The following ARHGAP24 variants were observed in gnomAD, a reference collection of about 807,000 sequenced individuals.
ARHGAP24 encodes rho GTPase-activating protein 24.
A neutral mutation model predicts 76.4 loss-of-function variants in ARHGAP24; 50 were observed. The observed-to-expected ratio is 0.65, with a 90% CI of 0.52 to 0.83. The LOEUF (loss-of-function observed/expected upper bound fraction) is 0.83, where lower values mean the gene tolerates loss of function less well. ARHGAP24 is among the 40% of genes least tolerant of loss of function. The pLI is 0.00. For synonymous variants in ARHGAP24, 345 were observed against 323.3 expected (o/e 1.07, Z -0.72); for missense variants, 930 against 914.2 (o/e 1.02, Z -0.22).
intron 2 of ARHGAP24, among the ~76,000 whole-genome samples, chr4:85,627,683 G>T (rs897654851): frequency 6.6e-6 from 1 of 152,212 alleles, no homozygotes; most frequent in South Asian, 2.1e-4. Context: ...GCCTACAGAC[G>T]CAGGCAGGCC....
At chr4:85,640,729 T>C (rs1285348906) in intron 2 of ARHGAP24, among the ~76,000 whole-genome samples, 1 of 152,180 alleles carries the variant, frequency 6.6e-6, no homozygotes, top group Non-Finnish European at 1.5e-5. Context: ...TTATTTAATA[T>C]GTAATTATCT....
chr4:85,855,374 C>A (rs1047588907), intron 3 of ARHGAP24, among the ~76,000 whole-genome samples: 8 of 152,070 alleles, frequency 5.3e-5, no homozygotes, highest in African/African-American at 1.7e-4. Flanking sequence ...AATACAGGAC[C>A]AGAATGTCTA....
intron 5 of ARHGAP24, among the ~76,000 whole-genome samples, chr4:85,961,160 G>A (rs1738218726): frequency 6.6e-6 from 1 of 151,960 alleles, no homozygotes; most frequent in Non-Finnish European, 1.5e-5. Context: ...TAATGTGAGA[G>A]CCATAGGAAA....
intron 1 of ARHGAP24, among the ~76,000 whole-genome samples, chr4:85,478,290 A>G (rs776066131): frequency 1.3e-5 from 2 of 152,254 alleles, no homozygotes; most frequent in Non-Finnish European, 1.5e-5. Context: ...TTAAATGGTC[A>G]GCTTAGCCAT....
At chr4:85,584,524 T>C (rs1366233539) in intron 2 of ARHGAP24, among the ~76,000 whole-genome samples, 2 of 151,974 alleles carry the variant, frequency 1.3e-5, no homozygotes, top group African/African-American at 2.4e-5. Context: ...CACACCAGCA[T>C]GACACATGTA....
At chr4:85,561,432 T>C (rs1256758270) in intron 1 of ARHGAP24, among the ~76,000 whole-genome samples, 1 of 152,196 alleles carries the variant, frequency 6.6e-6, no homozygotes, top group Admixed American at 6.5e-5. Flanking sequence ...GCACCACATT[T>C]TGATTTATTC....
chr4:85,916,022 T>C (rs1014590695), intron 3 of ARHGAP24, among the ~76,000 whole-genome samples: 2 of 152,210 alleles, frequency 1.3e-5, no homozygotes, highest in African/African-American at 4.8e-5. Context: ...GTTGAACTAA[T>C]TTACACTCCC....
At chr4:85,822,379 C>T (rs962464759) in intron 3 of ARHGAP24, among the ~76,000 whole-genome samples, 1 of 152,144 alleles carries the variant, frequency 6.6e-6, no homozygotes, top group Non-Finnish European at 1.5e-5. Context: ...AGAAGATTTA[C>T]ATTGAGGACC....
At chr4:85,830,335 G>A (rs1449592790) in intron 3 of ARHGAP24, among the ~76,000 whole-genome samples, 1 of 152,178 alleles carries the variant, frequency 6.6e-6, no homozygotes, top group East Asian at 1.9e-4. Flanking sequence ...GGGAGAGTGA[G>A]TGGGAAAGAA....
intron 1 of ARHGAP24, among the ~76,000 whole-genome samples, chr4:85,501,660 A>G (rs1429842876): frequency 1.3e-5 from 2 of 152,102 alleles, no homozygotes; most frequent in African/African-American, 4.8e-5. Flanking sequence ...ATTTTCTCCC[A>G]TTCTGTAGGT....
At chr4:85,505,536 G>T (rs771436054) in intron 1 of ARHGAP24, among the ~76,000 whole-genome samples, 1 of 152,016 alleles carries the variant, frequency 6.6e-6, no homozygotes, top group Non-Finnish European at 1.5e-5. Context: ...TTGTGCATGC[G>T]TCACAAAGTT....
chr4:85,500,797 A>G (rs1490990687), intron 1 of ARHGAP24, among the ~76,000 whole-genome samples: 1 of 152,066 alleles, frequency 6.6e-6, no homozygotes, highest in Admixed American at 6.6e-5. Flanking sequence ...TACATGTGCC[A>G]TGTTGGTTTG....
chr4:85,955,935 TC>T (rs1473409077), intron 5 of ARHGAP24, among the ~76,000 whole-genome samples: 1 of 152,160 alleles, frequency 6.6e-6, no homozygotes, highest in East Asian at 1.9e-4. Flanking sequence ...GATACACCCC[TC>T]CCTCTTTACA....
chr4:85,953,971 A>T (rs558682748), intron 5 of ARHGAP24, among the ~76,000 whole-genome samples: 1 of 152,270 alleles, frequency 6.6e-6, no homozygotes, highest in East Asian at 1.9e-4. Context: ...GGTTACAGGG[A>T]TCAGAGGAAA....
At chr4:85,902,847 G>A (rs928194330) in intron 3 of ARHGAP24, among the ~76,000 whole-genome samples, 32 of 152,260 alleles carry the variant, frequency 2.1e-4, no homozygotes, top group Non-Finnish European at 2.8e-4. Context: ...CAGGTGATCC[G>A]CCTGCCTTGG....
At chr4:85,590,439 A>G (rs1728046839) in intron 2 of ARHGAP24, among the ~76,000 whole-genome samples, 1 of 146,936 alleles carries the variant, frequency 6.8e-6, no homozygotes, top group South Asian at 2.2e-4. Context: ...GGCTCATTGC[A>G]ACCTTTGCCT....
At chr4:85,528,461 G>T (rs948207499) in intron 1 of ARHGAP24, among the ~76,000 whole-genome samples, 1 of 151,978 alleles carries the variant, frequency 6.6e-6, no homozygotes, top group South Asian at 2.1e-4. Context: ...AATATGGATT[G>T]GAGGGAGAAA....
intron 3 of ARHGAP24, among the ~76,000 whole-genome samples, chr4:85,894,419 A>G (rs1734021694): frequency 6.6e-6 from 1 of 152,180 alleles, no homozygotes; most frequent in Non-Finnish European, 1.5e-5. Flanking sequence ...GATGGATCCA[A>G]GAAAAAGGTG....
At chr4:85,486,062 T>A (rs1267577694) in intron 1 of ARHGAP24, among the ~76,000 whole-genome samples, 1 of 152,172 alleles carries the variant, frequency 6.6e-6, no homozygotes, top group African/African-American at 2.4e-5. Flanking sequence ...AGACTGTGGC[T>A]ATGTGTATGC....
Sources: allele counts gnomAD v4.1 joint callset (sites outside exome capture counted in the v4.1 genomes callset), GRCh38; gene constraint gnomAD v4.1.1; transcripts MANE v1.5; gene names NCBI Gene and HGNC (gene_info 2026-07-23, HGNC 2026-07-21).